The following ETHE1 variants were observed in gnomAD, a reference collection of about 807,000 sequenced individuals.
ETHE1 encodes the protein persulfide dioxygenase ETHE1, mitochondrial.
In ETHE1, 16 loss-of-function variants were observed where a neutral mutation model predicts 25.7. The ratio of observed to expected loss-of-function variants is 0.62; its 90% CI spans 0.42 to 0.95. ETHE1 has a LOEUF of 0.95. Ranked by LOEUF, ETHE1 falls within the 40% of genes least tolerant of loss-of-function variation. The pLI is 0.00. For missense variants in ETHE1, 300 were observed against 333.6 expected, an observed-to-expected ratio of 0.90 and a Z score of 0.79; for synonymous variants, 139 against 135.9, an observed-to-expected ratio of 1.02 and a Z score of -0.16.
chr19:43,512,987 C>T (rs796477512), intron 3 of ETHE1, among the ~76,000 whole-genome samples: 15 of 152,326 alleles, frequency 9.8e-5, no homozygotes, highest in South Asian at 8.3e-4. Flanking sequence ...GCATCCCAGT[C>T]GGGGCTAAAA....
At chr19:43,512,099 G>T (rs1971930454) in intron 3 of ETHE1, among the ~76,000 whole-genome samples, 1 of 152,184 alleles carries the variant, frequency 6.6e-6, no homozygotes, top group Non-Finnish European at 1.5e-5. Context: ...CAGCCATGTG[G>T]AACTATGAGT....
rs71169253 is a variant in ETHE1, at chr19:43,518,999, GTTTTTTTTTTTTTTT to G, written c.375+7187_375+7201del. Among the ~76,000 whole-genome samples the G allele has an allele frequency of 5.6e-3, 506 of 91,026 alleles. 8 individuals are homozygous for G. The highest frequency in any genetic ancestry group is 0.019 in the African/African-American group (466 of 24,090). The allele number at this position is 91,026 out of a possible 152,430, so 59.7% of individuals were successfully genotyped here. Reference sequence around the variant, plus strand: ...CTGATGGCTGATGAAATTTGTGCTTGTTTTTTTTTTTTTTTTTTTTTTTTTTTTTTGAGACAGTCT... The same window carrying G: ...CTGATGGCTGATGAAATTTGTGCTTGTTTTTTTTTTTTTTTGAGACAGTCT... On this transcript the variant is annotated intron_variant, in intron 3 of 6. Coordinates refer to ENST00000292147, the MANE Select transcript of ETHE1 (RefSeq NM_014297.5).
At chr19:43,512,947 G>C (rs1041404167) in intron 3 of ETHE1, among the ~76,000 whole-genome samples, 1 of 152,240 alleles carries the variant, frequency 6.6e-6, no homozygotes, top group South Asian at 2.1e-4. Context: ...TGGCCTTGCT[G>C]TTTTGTGCAG....
chr19:43,511,210 C>T (rs1439815824), intron 4 of ETHE1, among the ~76,000 whole-genome samples: 1 of 152,074 alleles, frequency 6.6e-6, no homozygotes, highest in Non-Finnish European at 1.5e-5. Context: ...TTTGAATCCC[C>T]GAAACTATGC....
intron 3 of ETHE1, among the ~76,000 whole-genome samples, chr19:43,525,175 C>T (rs73935005): frequency 0.014 from 2,096 of 151,438 alleles, 44 homozygotes; most frequent in African/African-American, 0.048. Flanking sequence ...AACACTGAAG[C>T]TAAATCTACC....
At chr19:43,524,661 A>G (rs900196258) in intron 3 of ETHE1, among the ~76,000 whole-genome samples, 5 of 151,992 alleles carry the variant, frequency 3.3e-5, no homozygotes, top group Non-Finnish European at 5.9e-5. Context: ...AAAATTAGCC[A>G]GGTATGGTGG....
chr19:43,525,763 T>C (rs1368925349), intron 3 of ETHE1: 5 of 266,690 alleles, frequency 1.9e-5, no homozygotes, highest in South Asian at 3.9e-5. Context: ...CACTCCAGGG[T>C]CCTCACCGTC....
chr19:43,508,812 T>C lies in ETHE1; in HGVS notation c.558A>G (p.Pro186=), dbSNP rs2145979096. The C allele has an allele frequency of 1.9e-6, 3 of 1,608,844 alleles. No homozygotes were observed. Among genetic ancestry groups the C allele is most frequent in the Non-Finnish European group, 2.5e-6 (3 of 1,177,978 alleles). The change falls in exon 5 of 7, where the codon CCA becomes CCG. Residue 186 remains proline (P), a synonymous_variant. Transcript: ENST00000292147. Reference sequence around the variant, plus strand: ...GAGCAGGGTAGATCAGACAGTCTCCTGGAAGTGTGAAGATCTTTTCATGGA... The same window carrying C: ...GAGCAGGGTAGATCAGACAGTCTCCCGGAAGTGTGAAGATCTTTTCATGGA... ...HSVHEKIFTL[P]GDCLIYPAHD...
At chr19:43,513,006 G>C (rs1177509933) in intron 3 of ETHE1, among the ~76,000 whole-genome samples, 1 of 152,266 alleles carries the variant, frequency 6.6e-6, no homozygotes, top group African/African-American at 2.4e-5. Flanking sequence ...AAGGGGCCAA[G>C]TACAGCTCAG....
chr19:43,525,126 A>T (rs1972213300), intron 3 of ETHE1, among the ~76,000 whole-genome samples: 1 of 99,050 alleles, frequency 1.0e-5, no homozygotes, highest in East Asian at 2.7e-4. Context: ...AGTCTCAAAT[A>T]AAAAAAAAAA....
chr19:43,507,356 T>C (rs555949256), intron 6 of ETHE1, among the ~76,000 whole-genome samples: 560 of 22,096 alleles, frequency 0.025, no homozygotes, highest in Middle Eastern at 0.067. Context: ...AGGTCCCCAG[T>C]CCCTCCTCCC....
intron 3 of ETHE1, among the ~76,000 whole-genome samples, chr19:43,516,701 C>CT (rs1972028029): frequency 6.8e-6 from 1 of 146,344 alleles, no homozygotes; most frequent in South Asian, 2.2e-4. Flanking sequence ...TCTCGGCTCA[C>CT]TGCAACCTCG....
chr19:43,519,506 C>T (rs1972097731), intron 3 of ETHE1, among the ~76,000 whole-genome samples: 1 of 152,106 alleles, frequency 6.6e-6, no homozygotes, highest in South Asian at 2.1e-4. Flanking sequence ...TTCATTCTTC[C>T]CTTCCATGAT....
rs552355092 is a variant in ETHE1 at position 43,518,794 on chromosome 19, G to C, written c.376-7228C>G. Among the ~76,000 whole-genome samples, 15 of 147,962 alleles carry C rather than the reference G, an allele frequency of 1.0e-4. No homozygotes were observed. In the South Asian group the frequency reaches 3.0e-3, roughly 30 times the overall value. Reference sequence around the variant, plus strand: ...AAAAAAGTTACTGCATATTTTGTTAGACGTGACAAAGGTTTTGTAAAAGAG... The same window carrying C: ...AAAAAAGTTACTGCATATTTTGTTACACGTGACAAAGGTTTTGTAAAAGAG... On this transcript the variant is annotated intron_variant, in intron 3 of 6. Coordinates refer to ENST00000292147, the MANE Select transcript of ETHE1 (RefSeq NM_014297.5).
At chr19:43,516,501 C>G (rs1025580711) in intron 3 of ETHE1, among the ~76,000 whole-genome samples, 1 of 151,564 alleles carries the variant, frequency 6.6e-6, no homozygotes, top group East Asian at 1.9e-4. Context: ...GGTTTCACCA[C>G]ATTGGCCAGG....
chr19:43,526,015 T>G (rs940364043), intron 3 of ETHE1, 186 bp downstream of exon 3: 54 of 768,764 alleles, frequency 7.0e-5, no homozygotes, highest in Non-Finnish European at 1.0e-4. Flanking sequence ...CCAGAGCCTC[T>G]TGCCCCAGTG....
chr19:43,523,919 G>A (rs1972187196), intron 3 of ETHE1, among the ~76,000 whole-genome samples: 1 of 150,434 alleles, frequency 6.6e-6, no homozygotes, highest in South Asian at 2.1e-4. Flanking sequence ...CTGGGTGACA[G>A]AGCAAGACTG....
chr19:43,522,009 A>C (rs1176190541), intron 3 of ETHE1, among the ~76,000 whole-genome samples: 1 of 152,134 alleles, frequency 6.6e-6, no homozygotes, highest in African/African-American at 2.4e-5. Context: ...AGCCACCACA[A>C]CCTGCCCATT....
chr19:43,521,053 C>A (rs1030137622), intron 3 of ETHE1, among the ~76,000 whole-genome samples: 1 of 152,098 alleles, frequency 6.6e-6, no homozygotes, highest in Admixed American at 6.6e-5. Context: ...AAAACTTGGG[C>A]CAGGTGCGGT....
Sources: allele counts gnomAD v4.1 joint callset (sites outside exome capture counted in the v4.1 genomes callset), GRCh38; gene constraint gnomAD v4.1.1; transcripts MANE v1.5; gene names NCBI Gene and HGNC (gene_info 2026-07-23, HGNC 2026-07-21).